Variants in MYO10 observed in about 807,000 individuals in gnomAD.
The protein encoded by MYO10 is myosin X, also known as unconventional myosin-X.
In MYO10, 133 loss-of-function variants were observed where a neutral mutation model predicts 257.3. The ratio of observed to expected loss-of-function variants is 0.52; its 90% CI spans 0.45 to 0.60. The LOEUF is 0.60. Ranked by LOEUF, MYO10 falls within the 20% of genes least tolerant of loss-of-function variation. MYO10 has a pLI of 0.00. For synonymous variants in MYO10, 1,104 were observed against 1,028.6 expected (o/e 1.07, Z -1.40); for missense variants, 2,399 against 2,635.7 (o/e 0.91, Z 1.97).
chr5:16,765,425 A>T (rs1009995676), intron 11 of MYO10, among the ~76,000 whole-genome samples: 1 of 152,166 alleles, frequency 6.6e-6, no homozygotes, highest in Non-Finnish European at 1.5e-5. Flanking sequence ...TAGCTTGCAC[A>T]CAGCCTATTG....
intron 3 of MYO10, chr5:16,815,290 T>C (rs1742570000): frequency 1.9e-6 from 1 of 514,528 alleles, no homozygotes; most frequent in South Asian, 3.3e-5. Context: ...TTTTTGGATT[T>C]TGGAATATTT....
chr5:16,762,758 G>A, intron 14 of MYO10, 121 bp from the exon 15 acceptor site: 1 of 659,444 alleles, frequency 1.5e-6, no homozygotes, highest in Non-Finnish European at 2.6e-6. Context: ...GAGGTCAGGA[G>A]TTCCAGACCA....
chr5:16,700,922 C>T (rs554205905), intron 25 of MYO10, 41 bp downstream of exon 25: 127 of 1,504,236 alleles, frequency 8.4e-5, no homozygotes, highest in East Asian at 7.7e-4. Flanking sequence ...TGGGTGTGAC[C>T]GGCCACCCAT....
At chr5:16,695,349 T>C (rs909751642) in intron 26 of MYO10, among the ~76,000 whole-genome samples, 2 of 152,052 alleles carry the variant, frequency 1.3e-5, no homozygotes, top group Non-Finnish European at 2.9e-5. Flanking sequence ...ATAAACAAAG[T>C]TTACCCATTT....
At position 16,701,854 on chromosome 5, in the gene MYO10, AGGGAGATT is replaced by A; in HGVS notation, c.2557-24_2557-17del. 1.3e-6 allele frequency: 2 copies of A among 1,571,744 alleles called. No homozygotes were observed. Among genetic ancestry groups the A allele is most frequent in the Non-Finnish European group, 1.7e-6 (2 of 1,164,478 alleles). On this transcript the variant is annotated splice_polypyrimidine_tract_variant and intron_variant, in intron 24 of 40. Transcript: ENST00000513610. The surrounding 1 kb of genome is among the most constrained non-coding windows in gnomAD (Gnocchi z 8.1). ...TTTCTTCTTCCTGGACAGAAGCAGA[AGGGAGATT>A]TCAGAAGGCTTCAGTACAAAAGTCC...
chr5:16,910,218 A>G (rs1172327418), intron 1 of MYO10, among the ~76,000 whole-genome samples: 2 of 152,210 alleles, frequency 1.3e-5, no homozygotes, highest in Non-Finnish European at 2.9e-5. Context: ...CATTTAGAAA[A>G]GGTTAATTTT....
intron 33 of MYO10, among the ~76,000 whole-genome samples, chr5:16,678,350 T>C (rs1172308064): frequency 6.6e-6 from 1 of 151,960 alleles, no homozygotes; most frequent in East Asian, 1.9e-4. Flanking sequence ...GAGGCTGAGG[T>C]AGGCAGATCA....
chr5:16,754,907 T>C lies in MYO10; in HGVS notation c.1850A>G (p.Asp617Gly), dbSNP rs1332546029. The change falls in exon 19 of 41, where the codon GAC (aspartate) becomes GGC (glycine). Residue 617 changes from aspartate to glycine, a missense_variant and splice_region_variant. Asp to Gly is a moderately conservative substitution (Grantham distance 94). This residue lies in a region of MYO10 where 1,820 missense variants were observed against 1,939.4 expected (regional missense o/e 0.94). Coordinates refer to ENST00000513610, the MANE Select transcript of MYO10 (RefSeq NM_012334.3). ...CGTTGCCATTAAGGAATGCAGTGAG[T>C]CCTATTAGAAAAAGTATATGTTGAT... ...RRPTVSSQFK[D>G]SLHSLMATLS... is the part of the protein sequence containing the mutation. 6.3e-7 allele frequency: 1 copy of C among 1,579,974 alleles called. No homozygotes were observed. The highest frequency in any genetic ancestry group is 8.6e-7 in the Non-Finnish European group (1 of 1,157,884).
intron 19 of MYO10, among the ~76,000 whole-genome samples, chr5:16,742,659 A>C (rs1425422389): frequency 6.6e-6 from 1 of 151,820 alleles, no homozygotes; most frequent in East Asian, 1.9e-4. Context: ...ATCAACACAA[A>C]AATTAGCCAG....
At chr5:16,823,273 C>A (rs1317196484) in intron 2 of MYO10, among the ~76,000 whole-genome samples, 1 of 149,196 alleles carries the variant, frequency 6.7e-6, no homozygotes, top group Admixed American at 6.7e-5. Flanking sequence ...GGTGAAATCC[C>A]GTCACTACTA....
rs180940752 is a variant in MYO10, at chr5:16,688,545, A to T, written c.3896+1279T>A. Among the ~76,000 whole-genome samples, 654 of 152,228 alleles carry T rather than the reference A, an allele frequency of 4.3e-3. 26 individuals carry two copies. The highest frequency in any genetic ancestry group is 0.038 in the Admixed American group (580 of 15,298). On this transcript the variant is annotated intron_variant, in intron 28 of 40. Transcript: ENST00000513610. ...CATCTGAGATCGGGAGTTCGAGACC[A>T]GCCTGACCAACATGGAGAAACCCCA...
At chr5:16,713,511 C>T in intron 19 of MYO10, 1 of 984,408 alleles carries the variant, frequency 1.0e-6, no homozygotes, top group Non-Finnish European at 1.2e-6. Context: ...CATTCTCGGG[C>T]TAATTAGTGT....
Position 16,668,370 on chromosome 5 carries a change from GA to G in MYO10, c.5981del (p.Phe1994SerfsTer40). ...CAAAAGAGAGGATGTGTTCATACTG[GA>G]AGACTTCCAGTGGTCTTCCCTCTCC... ...KRGEGRPLEV[F>X]QYEHILSFGA... On this transcript the variant is annotated frameshift_variant, in exon 40 of 41. Coordinates refer to ENST00000513610, the MANE Select transcript of MYO10 (RefSeq NM_012334.3). LOFTEE classifies it high-confidence loss of function. 1 of 1,613,962 alleles carries G rather than the reference GA, an allele frequency of 6.2e-7. No individual in the cohort carries two copies. Among genetic ancestry groups the G allele is most frequent in the Non-Finnish European group, 8.5e-7 (1 of 1,179,868 alleles).
At chr5:16,760,857 C>G (rs150430368) in intron 17 of MYO10, among the ~76,000 whole-genome samples, 5 of 152,080 alleles carry the variant, frequency 3.3e-5, no homozygotes, top group Non-Finnish European at 7.4e-5. Flanking sequence ...TTAACTGCTT[C>G]AAGGCTCGGT....
At chr5:16,753,750 C>T (rs1740450466) in intron 19 of MYO10, among the ~76,000 whole-genome samples, 2 of 152,190 alleles carry the variant, frequency 1.3e-5, no homozygotes, top group Non-Finnish European at 2.9e-5. Context: ...GGATTACAGG[C>T]GTGAGCCACC....
intron 19 of MYO10, among the ~76,000 whole-genome samples, chr5:16,722,676 C>G (rs572348379): frequency 2.0e-5 from 3 of 152,262 alleles, no homozygotes; most frequent in African/African-American, 7.2e-5. Flanking sequence ...ACAACTTTCA[C>G]AAGAATTAAG....
chr5:16,764,128 C>T lies in MYO10; in HGVS notation c.1326+122G>A, dbSNP rs1323475742. 15 of 1,133,066 alleles carry T rather than the reference C, an allele frequency of 1.3e-5. No homozygotes were observed. In the East Asian group the frequency reaches 3.6e-4, roughly 27 times the overall value. The allele number at this position is 1,133,066 out of a possible 1,614,324, so 70.2% of individuals were successfully genotyped here. On this transcript the variant is annotated intron_variant, in intron 12 of 40. Coordinates refer to ENST00000513610, the MANE Select transcript of MYO10 (RefSeq NM_012334.3). ...CGCCACTGCACTCCAGCCTGGGATACAGAGTGAGACTCCTTCTCAAAAAAA... is the reference window on the plus strand; with the variant it reads ...CGCCACTGCACTCCAGCCTGGGATATAGAGTGAGACTCCTTCTCAAAAAAA...
At chr5:16,666,884 C>T (rs1736197572) in intron 40 of MYO10, 91 bp from the exon 41 acceptor site, 7 of 1,042,096 alleles carry the variant, frequency 6.7e-6, no homozygotes, top group Non-Finnish European at 9.8e-6. Flanking sequence ...CCTGGGCACC[C>T]TCCCGTAGCC....
intron 3 of MYO10, among the ~76,000 whole-genome samples, chr5:16,805,338 TGTA>T (rs1742239879): frequency 6.6e-6 from 1 of 151,344 alleles, no homozygotes; most frequent in Non-Finnish European, 1.5e-5. Flanking sequence ...GGCGGATGCC[TGTA>T]ATCCCAGCTA....
Sources: gnomAD v4.1 joint callset for allele counts (sites outside exome capture counted in the v4.1 genomes callset) on GRCh38, gnomAD v4.1.1 for gene constraint, gnomAD v4.1.1 regional missense constraint, Gnocchi (gnomAD v3.1) non-coding constraint, MANE v1.5 for transcripts, NCBI Gene and HGNC (gene_info 2026-07-23, HGNC 2026-07-21) for gene names.